The following CELF2 variants were observed in gnomAD, a reference collection of about 807,000 sequenced individuals.
CELF2 encodes CUG triplet repeat RNA-binding protein 2.
Under a neutral mutation model 62.6 loss-of-function variants are expected in CELF2, and 8 were observed. The ratio of observed to expected loss-of-function variants is 0.13; its 90% CI spans 0.07 to 0.23. The LOEUF (loss-of-function observed/expected upper bound fraction) is 0.23, where lower values mean the gene tolerates loss of function less well. CELF2 is among the 10% of genes least tolerant of loss of function. The pLI is 1.00. For synonymous variants in CELF2, 258 were observed against 250.0 expected (o/e 1.03, Z -0.30); for missense variants, 333 against 671.0 (o/e 0.50, Z 5.56).
At chr10:10,793,519 T>A (rs1309698324), upstream of CELF2, among the ~76,000 whole-genome samples, 1 of 152,154 alleles carries the variant, frequency 6.6e-6, no homozygotes, top group African/African-American at 2.4e-5. Context: ...GTGCATAAAA[T>A]AAATATAATA....
chr10:10,726,222 T>C, the CELF2 span, among the ~76,000 whole-genome samples: 2 of 152,166 alleles, frequency 1.3e-5, no homozygotes, highest in African/African-American at 4.8e-5. Context: ...ATTTACTCCA[T>C]GCCTAGGGGT....
At chr10:11,002,638 A>T (rs1171160253), upstream of CELF2, among the ~76,000 whole-genome samples, 1 of 152,130 alleles carries the variant, frequency 6.6e-6, no homozygotes, top group Non-Finnish European at 1.5e-5. The surrounding 1 kb of genome is among the most constrained non-coding windows in gnomAD (Gnocchi z 4.4). Context: ...TTCTGCAGCT[A>T]AGGGGGTTAA....
intron 1 of CELF2, among the ~76,000 whole-genome samples, chr10:11,061,241 T>A (rs1000209895): frequency 7.9e-5 from 12 of 152,276 alleles, no homozygotes; most frequent in African/African-American, 2.4e-4. Flanking sequence ...ATGGAGAAAA[T>A]TGAAGTGGTC....
At chr10:10,945,611 C>T (rs1448713613) in intron 2 of CELF2, among the ~76,000 whole-genome samples, 4 of 152,178 alleles carry the variant, frequency 2.6e-5, no homozygotes, top group Non-Finnish European at 5.9e-5. Context: ...CTAGGCAGTA[C>T]AGGGAGCCTG....
upstream of CELF2, among the ~76,000 whole-genome samples, chr10:11,013,845 A>C (rs1728875422): frequency 6.6e-6 from 1 of 152,234 alleles, no homozygotes; most frequent in Non-Finnish European, 1.5e-5. The surrounding 1 kb of genome is among the most constrained non-coding windows in gnomAD (Gnocchi z 4.1). Context: ...CCAAGAAGAG[A>C]TAGGCTTACA....
the CELF2 span, among the ~76,000 whole-genome samples, chr10:10,761,192 AATTG>A: frequency 6.6e-6 from 1 of 152,316 alleles, no homozygotes; most frequent in South Asian, 2.1e-4. Context: ...TGTTGGCTGG[AATTG>A]ATTATTTGAG....
the CELF2 span, among the ~76,000 whole-genome samples, chr10:10,521,371 G>A: frequency 3.3e-5 from 5 of 152,162 alleles, no homozygotes; most frequent in Non-Finnish European, 5.9e-5. Flanking sequence ...AAATGCCTGG[G>A]AAGCTATTGA....
chr10:11,304,989 GAAC>G (rs1565888197), intron 9 of CELF2, among the ~76,000 whole-genome samples: 1 of 152,160 alleles, frequency 6.6e-6, no homozygotes, highest in African/African-American at 2.4e-5. Flanking sequence ...GGCGCTGTTT[GAAC>G]AGAGAGAGAA....
chr10:10,866,209 G>A (rs1371107754), intron 1 of CELF2, among the ~76,000 whole-genome samples: 4 of 152,066 alleles, frequency 2.6e-5, no homozygotes, highest in Non-Finnish European at 5.9e-5. Context: ...AATTGGACAA[G>A]GCCTACATCT....
At chr10:10,506,670 A>ATTTTTTTTTTTTTTTT in the CELF2 span, among the ~76,000 whole-genome samples, 82 of 64,572 alleles carry the variant, frequency 1.3e-3, 24 homozygotes, top group South Asian at 6.8e-3. Flanking sequence ...CCTCCTGTGA[A>ATTTTTTTTTTTTTTTT]TTTTTTTTTT....
the CELF2 span, among the ~76,000 whole-genome samples, chr10:10,691,222 G>C: frequency 6.8e-6 from 1 of 147,732 alleles, no homozygotes; most frequent in African/African-American, 2.5e-5. Context: ...TGATCTCATT[G>C]TTCAATTCCC....
chr10:11,233,759 C>T (rs2069831059), intron 3 of CELF2, among the ~76,000 whole-genome samples: 1 of 152,198 alleles, frequency 6.6e-6, no homozygotes, highest in Non-Finnish European at 1.5e-5. Context: ...CTTAATGGCA[C>T]CTCTAGAATT....
At chr10:11,288,792 C>T (rs1175772849) in intron 9 of CELF2, among the ~76,000 whole-genome samples, 1 of 152,202 alleles carries the variant, frequency 6.6e-6, no homozygotes, top group Non-Finnish European at 1.5e-5. Context: ...CTGTGCAAGC[C>T]GTTCTCACAC....
chr10:11,069,711 G>T (rs1042410167), intron 1 of CELF2, among the ~76,000 whole-genome samples: 1 of 152,206 alleles, frequency 6.6e-6, no homozygotes, highest in Non-Finnish European at 1.5e-5. Flanking sequence ...TCATTGGCTT[G>T]TCACTCTAAT....
chr10:10,538,360 C>T, the CELF2 span, among the ~76,000 whole-genome samples: 8 of 152,182 alleles, frequency 5.3e-5, no homozygotes, highest in African/African-American at 1.9e-4. Context: ...GCCTCCTGGT[C>T]TCAGAGAGAG....
intron 5 of CELF2, among the ~76,000 whole-genome samples, chr10:11,258,589 A>C (rs1188918300): frequency 6.6e-6 from 1 of 152,204 alleles, no homozygotes; most frequent in East Asian, 1.9e-4. Context: ...TCCCTTGACA[A>C]TGCCACACAC....
At chr10:10,625,508 C>T in the CELF2 span, among the ~76,000 whole-genome samples, 1 of 151,692 alleles carries the variant, frequency 6.6e-6, no homozygotes, top group African/African-American at 2.4e-5. Flanking sequence ...TCATGCCCTG[C>T]TGGATCAGCT....
chr10:10,497,411 A>G, the CELF2 span, among the ~76,000 whole-genome samples: 1 of 152,180 alleles, frequency 6.6e-6, no homozygotes, highest in African/African-American at 2.4e-5. Context: ...AGGTGCTGAA[A>G]ATACAGCAAT....
At chr10:10,789,237 T>C in the CELF2 span, among the ~76,000 whole-genome samples, 1 of 152,194 alleles carries the variant, frequency 6.6e-6, no homozygotes, top group Non-Finnish European at 1.5e-5. Flanking sequence ...CAATACAAAA[T>C]ACTGATATCA....
Sources: gnomAD v4.1 joint callset for allele counts (sites outside exome capture counted in the v4.1 genomes callset) on GRCh38, gnomAD v4.1.1 for gene constraint, Gnocchi (gnomAD v3.1) non-coding constraint, MANE v1.5 for transcripts, NCBI Gene and HGNC (gene_info 2026-07-23, HGNC 2026-07-21) for gene names.